Variants in AGPAT5 observed in about 807,000 individuals in gnomAD.
AGPAT5 encodes the protein 1-acylglycerol-3-phosphate O-acyltransferase 5, also known as 1-acyl-sn-glycerol-3-phosphate acyltransferase epsilon.
AGPAT5 carries 46 observed loss-of-function variants against 45.6 expected under a neutral mutation model. That is an observed-to-expected ratio of 1.01 (90% CI 0.80 to 1.29). AGPAT5 has a LOEUF of 1.29. Ranked by LOEUF, AGPAT5 falls within the 50% of genes most tolerant of loss-of-function variation. The pLI, the probability that AGPAT5 is intolerant of heterozygous loss-of-function variation, is 0.00. For missense variants in AGPAT5, 673 were observed against 450.7 expected (o/e 1.49, Z -4.47); for synonymous variants, 272 against 167.0 (o/e 1.63, Z -4.85).
chr8:6,718,763 C>T (rs1019372540), intron 1 of AGPAT5, among the ~76,000 whole-genome samples: 1 of 152,216 alleles, frequency 6.6e-6, no homozygotes, highest in Admixed American at 6.5e-5. Flanking sequence ...TACAGTCAGT[C>T]AGAGAACTTG....
At chr8:6,751,943 C>G (rs1587066687) in intron 6 of AGPAT5, among the ~76,000 whole-genome samples, 1 of 152,136 alleles carries the variant, frequency 6.6e-6, no homozygotes, top group Non-Finnish European at 1.5e-5. Flanking sequence ...TTTTGGGATG[C>G]TGAGGCGGGT....
At chr8:6,740,472 A>T (rs1039482744) in intron 4 of AGPAT5, among the ~76,000 whole-genome samples, 1 of 148,588 alleles carries the variant, frequency 6.7e-6, no homozygotes, top group African/African-American at 2.4e-5. Flanking sequence ...AATTATACAT[A>T]TAAATTATTG....
intron 2 of AGPAT5, among the ~76,000 whole-genome samples, chr8:6,730,214 C>T (rs1234868648): frequency 3.3e-5 from 5 of 150,714 alleles, no homozygotes; most frequent in African/African-American, 1.2e-4. Context: ...AAATAAAAAG[C>T]CTTTCAAGAA....
chr8:6,745,394 T>C (rs184893022), intron 5 of AGPAT5: 1 of 154,144 alleles, frequency 6.5e-6, no homozygotes, highest in East Asian at 1.9e-4. Flanking sequence ...GGCCCCTTGC[T>C]TTCTTGTGTT....
chr8:6,757,463 T>C lies in AGPAT5; in HGVS notation c.*75T>C. Reference sequence around the variant, plus strand: ...GCGGCTGCACATGACATCAAATTGTTTCCTGAATTTATTAAGGAGTGTAAA... The same window carrying C: ...GCGGCTGCACATGACATCAAATTGTCTCCTGAATTTATTAAGGAGTGTAAA... On this transcript the variant is annotated 3_prime_UTR_variant, in exon 8 of 8. Transcript: ENST00000285518. 8.7e-7 allele frequency: 1 copy of C among 1,154,174 alleles called. No homozygotes were observed. The highest frequency in any genetic ancestry group is 1.3e-5 in the South Asian group (1 of 74,526). 71.5% of individuals were successfully genotyped at this position (1,154,174 alleles called of 1,614,324 possible). A position where few individuals can be genotyped will look rare whatever the true frequency, so the allele number is the denominator to read the frequency against.
chr8:6,709,876 A>G (rs1586993283), intron 1 of AGPAT5, among the ~76,000 whole-genome samples: 1 of 152,112 alleles, frequency 6.6e-6, no homozygotes, highest in Admixed American at 6.5e-5. Flanking sequence ...CATTTAAACC[A>G]GTGTCTGTAA....
chr8:6,710,124 C>T (rs1368455724), intron 1 of AGPAT5, among the ~76,000 whole-genome samples: 1 of 151,422 alleles, frequency 6.6e-6, no homozygotes, highest in African/African-American at 2.4e-5. Flanking sequence ...AGTCATTCAC[C>T]TCTTAAAAAA....
In AGPAT5 at chr8:6,760,641, A is replaced by C. The variant is rs1195119657; in HGVS notation, c.*3253A>C. 6.6e-6 allele frequency among the ~76,000 whole-genome samples: 1 copy of C among 152,226 alleles called. No homozygotes were observed. Among genetic ancestry groups the C allele is most frequent in the East Asian group, 1.9e-4 (1 of 5,202 alleles). ...GATATTCCGTATCTGGTGGAAAGCT[A>C]CAATGCAATGTCGTTGTAGTTTTGC... On this transcript the variant is annotated 3_prime_UTR_variant, in exon 8 of 8. Transcript: ENST00000285518.
At chr8:6,756,996 A>G (rs1175166224) in intron 7 of AGPAT5, among the ~76,000 whole-genome samples, 167 bp from the exon 8 acceptor site, 1 of 152,244 alleles carries the variant, frequency 6.6e-6, no homozygotes, top group Non-Finnish European at 1.5e-5. Flanking sequence ...GATATTTTAG[A>G]AGACTAGAAA....
chr8:6,713,454 T>G (rs1214431333), intron 1 of AGPAT5, among the ~76,000 whole-genome samples: 1 of 152,250 alleles, frequency 6.6e-6, no homozygotes, highest in Non-Finnish European at 1.5e-5. Flanking sequence ...GGTTTTCAGT[T>G]GACCTGCTTT....
At chr8:6,743,113 CCATT>C (rs1801291217) in intron 5 of AGPAT5, among the ~76,000 whole-genome samples, 7 of 152,302 alleles carry the variant, frequency 4.6e-5, no homozygotes, top group Admixed American at 4.6e-4. Flanking sequence ...GGGCTGTTCT[CCATT>C]ATCCTCCCAA....
chr8:6,736,255 A>G (rs1255060061), intron 4 of AGPAT5, among the ~76,000 whole-genome samples: 1 of 152,240 alleles, frequency 6.6e-6, no homozygotes, highest in Non-Finnish European at 1.5e-5. Flanking sequence ...TAATTGTACT[A>G]CAGATTTTTA....
intron 4 of AGPAT5, among the ~76,000 whole-genome samples, chr8:6,740,007 C>G (rs1460514572): frequency 6.6e-6 from 1 of 152,062 alleles, no homozygotes; most frequent in Admixed American, 6.6e-5. Context: ...TTCTTTTCCT[C>G]ACTTGTCCAT....
At chr8:6,735,793 T>G (rs1801030365) in intron 4 of AGPAT5, among the ~76,000 whole-genome samples, 1 of 151,976 alleles carries the variant, frequency 6.6e-6, no homozygotes, top group South Asian at 2.1e-4. Flanking sequence ...GGAACAATGT[T>G]AGATTTACAA....
At chr8:6,713,375 C>T (rs78273148) in intron 1 of AGPAT5, among the ~76,000 whole-genome samples, 2,466 of 152,218 alleles carry the variant, frequency 0.016, 75 homozygotes, top group East Asian at 0.13. Flanking sequence ...CTGCTAATTC[C>T]CCCTTCTCCA....
At chr8:6,711,469 AT>A (rs1475777944) in intron 1 of AGPAT5, among the ~76,000 whole-genome samples, 29 of 152,204 alleles carry the variant, frequency 1.9e-4, no homozygotes, top group Non-Finnish European at 1.5e-5. Flanking sequence ...TTTCTTCACC[AT>A]TTATTTCTTT....
intron 1 of AGPAT5, among the ~76,000 whole-genome samples, chr8:6,712,919 C>G (rs910409530): frequency 1.3e-5 from 2 of 152,098 alleles, no homozygotes; most frequent in Non-Finnish European, 2.9e-5. Context: ...TTCTTTTCCC[C>G]CATTCCTATG....
At position 6,708,835 on chromosome 8, in the gene AGPAT5, G is replaced by A. The variant is rs561653572; in HGVS notation, c.167G>A (p.Cys56Tyr). The change falls in exon 1 of 8, where the codon TGC becomes TAC. Residue 56 changes from cysteine (C) to tyrosine (Y), a missense_variant. Transcript: ENST00000285518. ...FYQALDDRLY[C>Y]VYQSMVLFFF... ...CAAGCGCTGGACGACCGGCTCTACTGCGTCTACCAGAGCATGGTGCTCTTC... is the reference window on the plus strand; with the variant it reads ...CAAGCGCTGGACGACCGGCTCTACTACGTCTACCAGAGCATGGTGCTCTTC... 1 of 1,611,638 alleles carries A rather than the reference G, an allele frequency of 6.2e-7. No homozygotes were observed. The highest frequency in any genetic ancestry group is 1.1e-5 in the South Asian group (1 of 91,010).
intron 6 of AGPAT5, among the ~76,000 whole-genome samples, chr8:6,754,699 A>G (rs996281371): frequency 6.6e-6 from 1 of 152,162 alleles, no homozygotes; most frequent in Non-Finnish European, 1.5e-5. Flanking sequence ...GGGTCCCTTC[A>G]GAGAGGTGAG....
Sources: allele counts gnomAD v4.1 joint callset (sites outside exome capture counted in the v4.1 genomes callset), GRCh38; gene constraint gnomAD v4.1.1; transcripts MANE v1.5; gene names NCBI Gene and HGNC (gene_info 2026-07-23, HGNC 2026-07-21).